ADGRV1: variants seen among roughly 807,000 people sequenced by gnomAD.
ADGRV1 encodes adhesion G protein-coupled receptor V1, also known as G-protein coupled receptor 98.
Under a neutral mutation model 596.2 loss-of-function variants are expected in ADGRV1, and 359 were observed. The ratio of observed to expected loss-of-function variants is 0.60; its 90% CI spans 0.55 to 0.66. The LOEUF (loss-of-function observed/expected upper bound fraction) is 0.66. ADGRV1 is among the 30% of genes least tolerant of loss of function. The pLI, the probability that ADGRV1 is intolerant of heterozygous loss-of-function variation, is 0.00. For missense variants in ADGRV1, 7,274 were observed against 7,575.6 expected (o/e 0.96, Z 1.48); for synonymous variants, 2,681 against 2,679.2 (o/e 1.00, Z -0.02).
intron 21 of ADGRV1, among the ~76,000 whole-genome samples, chr5:90,669,354 A>G (rs925029575): frequency 5.9e-5 from 9 of 152,206 alleles, no homozygotes; most frequent in Non-Finnish European, 8.8e-5. Flanking sequence ...TTCCGCCATG[A>G]CATGATGGAT....
intron 77 of ADGRV1, among the ~76,000 whole-genome samples, chr5:90,836,239 C>G (rs1764956762): frequency 6.6e-6 from 1 of 152,108 alleles, no homozygotes; most frequent in Non-Finnish European, 1.5e-5. Flanking sequence ...GACATTTATT[C>G]CTGATAAATG....
chr5:90,847,656 T>C (rs11952751), intron 78 of ADGRV1, among the ~76,000 whole-genome samples: 13,394 of 152,198 alleles, frequency 0.088, 1,397 homozygotes, highest in African/African-American at 0.25. Context: ...TCCCGAGCCC[T>C]GCCCCGCAGG....
At chr5:91,080,210 C>G (rs897820031) in intron 86 of ADGRV1, among the ~76,000 whole-genome samples, 3 of 152,132 alleles carry the variant, frequency 2.0e-5, no homozygotes, top group African/African-American at 7.2e-5. Context: ...GTTATCTCTT[C>G]TAGCTATTTT....
At position 90,753,832 on chromosome 5, in the gene ADGRV1, A is replaced by T. The variant is rs1410554393; in HGVS notation, c.11377+3A>T. ...CATTAGAGTAGCAGAGCCTAAAGGTAAATATTGTTAAATATCTTTCAAGTT... is the reference window on the plus strand; with the variant it reads ...CATTAGAGTAGCAGAGCCTAAAGGTTAATATTGTTAAATATCTTTCAAGTT... On this transcript the variant is annotated splice_donor_region_variant and intron_variant, in intron 54 of 89. Transcript: ENST00000405460. The T allele has an allele frequency of 6.4e-7, 1 of 1,571,708 alleles. No homozygotes were observed. Among genetic ancestry groups the T allele is most frequent in the South Asian group, 1.2e-5 (1 of 85,204 alleles).
At position 90,685,822 on chromosome 5, in the gene ADGRV1, C is replaced by A; in HGVS notation, c.6317C>A (p.Ala2106Glu). Residue 2106 changes from alanine (A) to glutamate (E), a missense_variant, in exon 29 of 90, where the codon GCG becomes GAG. This residue lies in a region of ADGRV1 where 3,643 missense variants were observed against 3,809.2 expected (regional missense o/e 0.96). Transcript: ENST00000405460. Reference protein sequence around the residue: ...PRLGPKVETIAQLIIIANDDA... With the variant: ...PRLGPKVETIEQLIIIANDDA... ...CTTGGGCCTAAGGTAGAAACTATTG[C>A]GCAACTAATTATCATTGCCAATGAT... The A allele has an allele frequency of 2.5e-6, 4 of 1,611,334 alleles. No homozygotes were observed. The highest frequency in any genetic ancestry group is 2.5e-6 in the Non-Finnish European group (3 of 1,178,622).
chr5:90,875,255 A>G lies in ADGRV1; in HGVS notation c.17856+11398A>G, dbSNP rs9293554. ...TTAAATGTAATCTGTAGTGATCTACATCTTTTATAAACAAATTGTATTATA... is the reference window on the plus strand; with the variant it reads ...TTAAATGTAATCTGTAGTGATCTACGTCTTTTATAAACAAATTGTATTATA... On this transcript the variant is annotated intron_variant, in intron 83 of 89. Transcript: ENST00000405460. 3.2e-3 allele frequency among the ~76,000 whole-genome samples: 488 copies of G among 152,360 alleles called. 6 individuals are homozygous for G. The highest frequency in any genetic ancestry group is 0.011 in the African/African-American group (467 of 41,582).
intron 85 of ADGRV1, among the ~76,000 whole-genome samples, chr5:91,061,341 T>G (rs1278581097): frequency 6.6e-6 from 1 of 152,220 alleles, no homozygotes; most frequent in African/African-American, 2.4e-5. Context: ...TCAGCAGTTT[T>G]ATCAAGTTGC....
intron 83 of ADGRV1, among the ~76,000 whole-genome samples, chr5:90,867,561 G>A (rs1042185108): frequency 1.3e-5 from 2 of 152,136 alleles, no homozygotes; most frequent in Admixed American, 6.6e-5. Flanking sequence ...TGTCATTCTC[G>A]CTTTGAGTAC....
intron 74 of ADGRV1, among the ~76,000 whole-genome samples, chr5:90,811,928 A>ATTTT (rs57092908): frequency 7.5e-6 from 1 of 132,584 alleles, no homozygotes; most frequent in African/African-American, 2.8e-5. Context: ...ATCATACTGT[A>ATTTT]TTTTTTTTTT....
Position 90,750,717 on chromosome 5 carries a change from A to T in ADGRV1, c.11121+20A>T. Reference sequence around the variant, plus strand: ...GGAGTGGTATGTAATTTACAAAGTTATAGGAAACACTTTTAAATTATGGTT... The same window carrying T: ...GGAGTGGTATGTAATTTACAAAGTTTTAGGAAACACTTTTAAATTATGGTT... On this transcript the variant is annotated intron_variant, in intron 53 of 89. Transcript: ENST00000405460. 1 of 1,595,004 alleles carries T rather than the reference A, an allele frequency of 6.3e-7. No individual in the cohort carries two copies. The highest frequency in any genetic ancestry group is 8.6e-7 in the Non-Finnish European group (1 of 1,163,920).
At chr5:90,879,027 C>T (rs1343654945) in intron 83 of ADGRV1, among the ~76,000 whole-genome samples, 2 of 152,146 alleles carry the variant, frequency 1.3e-5, no homozygotes, top group Non-Finnish European at 2.9e-5. Flanking sequence ...CTTGGGGAAG[C>T]TGTTGTGGAA....
intron 85 of ADGRV1, among the ~76,000 whole-genome samples, chr5:91,058,430 T>A (rs957018868): frequency 5.3e-5 from 8 of 150,222 alleles, no homozygotes; most frequent in African/African-American, 2.0e-4. Context: ...CTAGAAACCC[T>A]CCCTCTTCCA....
At chr5:90,843,706 A>G (rs1765627596) in intron 78 of ADGRV1, among the ~76,000 whole-genome samples, 1 of 152,218 alleles carries the variant, frequency 6.6e-6, no homozygotes, top group Non-Finnish European at 1.5e-5. Flanking sequence ...CATACACCAA[A>G]GCAAAGTGAA....
intron 84 of ADGRV1, among the ~76,000 whole-genome samples, chr5:90,979,632 A>C (rs553916979): frequency 4.2e-4 from 64 of 152,308 alleles, no homozygotes; most frequent in African/African-American, 1.3e-3. Flanking sequence ...TGGTAAGATG[A>C]CTTGTAAGAT....
At chr5:91,104,666 A>G (rs2367280) in intron 87 of ADGRV1, among the ~76,000 whole-genome samples, 77,798 of 151,850 alleles carry the variant, frequency 0.51, 22,577 homozygotes, top group Non-Finnish European at 0.64. Context: ...GCTTCCACAC[A>G]TGAGTGAGAG....
At chr5:90,834,148 T>C (rs1354407634) in intron 77 of ADGRV1, among the ~76,000 whole-genome samples, 4 of 152,226 alleles carry the variant, frequency 2.6e-5, no homozygotes, top group African/African-American at 9.6e-5. Flanking sequence ...CAGTGTTTAG[T>C]CTTTCTACAC....
chr5:90,768,228 C>A (rs887716447), intron 59 of ADGRV1, among the ~76,000 whole-genome samples: 3 of 152,166 alleles, frequency 2.0e-5, no homozygotes, highest in African/African-American at 7.2e-5. Context: ...GGGGTTGTTT[C>A]TAGATTCCAC....
chr5:90,654,215 C>T (rs1769071568), intron 20 of ADGRV1: 2 of 453,700 alleles, frequency 4.4e-6, no homozygotes, highest in African/African-American at 2.0e-5. Context: ...CACAATGACA[C>T]CCTGTAGGAA....
At chr5:91,100,511 T>TGGAA (rs984546208) in intron 86 of ADGRV1, among the ~76,000 whole-genome samples, 9 of 147,362 alleles carry the variant, frequency 6.1e-5, no homozygotes, top group East Asian at 5.9e-4. Context: ...GAAGGAAGGA[T>TGGAA]GGAAGGAAGG....
Sources: gnomAD v4.1 joint callset for allele counts (sites outside exome capture counted in the v4.1 genomes callset) on GRCh38, gnomAD v4.1.1 for gene constraint, gnomAD v4.1.1 regional missense constraint, MANE v1.5 for transcripts, NCBI Gene and HGNC (gene_info 2026-07-23, HGNC 2026-07-21) for gene names.